CSMD1: variants seen among roughly 807,000 people sequenced by gnomAD.
CSMD1 encodes the protein CUB and sushi domain-containing protein 1.
CSMD1 carries 213 observed loss-of-function variants against 417.5 expected under a neutral mutation model. The ratio of observed to expected loss-of-function variants is 0.51; its 90% CI spans 0.46 to 0.57. The LOEUF (loss-of-function observed/expected upper bound fraction) is 0.57, where lower values mean the gene tolerates loss of function less well. Ranked by LOEUF, CSMD1 falls within the 20% of genes least tolerant of loss-of-function variation. The probability of loss-of-function intolerance (pLI) is 0.00; values close to 1 mark genes in which losing one functional copy is unlikely to be tolerated. For missense variants in CSMD1, 6,923 were observed against 4,529.7 expected (o/e 1.53, Z -15.17); for synonymous variants, 2,862 against 1,736.8 (o/e 1.65, Z -16.11).
intron 2 of CSMD1, among the ~76,000 whole-genome samples, chr8:4,461,068 A>C (rs1170876356): frequency 6.6e-6 from 1 of 150,662 alleles, no homozygotes; most frequent in African/African-American, 2.5e-5. Context: ...TACTGTGTCC[A>C]AGTGCTATTT....
At chr8:4,542,109 A>G (rs917434018) in intron 2 of CSMD1, among the ~76,000 whole-genome samples, 5 of 152,122 alleles carry the variant, frequency 3.3e-5, no homozygotes, top group Non-Finnish European at 5.9e-5. Context: ...TCATTTCTGG[A>G]CAATGAACTC....
intron 10 of CSMD1, among the ~76,000 whole-genome samples, chr8:3,505,626 G>C (rs775688696): frequency 2.0e-5 from 3 of 152,156 alleles, no homozygotes; most frequent in Non-Finnish European, 4.4e-5. Flanking sequence ...GATTATATTT[G>C]AGGAAATACA....
chr8:4,204,832 A>T (rs757658156), intron 3 of CSMD1, among the ~76,000 whole-genome samples: 5 of 151,194 alleles, frequency 3.3e-5, no homozygotes, highest in Admixed American at 6.6e-5. Flanking sequence ...CTTTTATTTA[A>T]TTTTTTTTTA....
intron 1 of CSMD1, among the ~76,000 whole-genome samples, chr8:4,922,430 A>G (rs1806560293): frequency 1.3e-5 from 2 of 152,216 alleles, no homozygotes; most frequent in Non-Finnish European, 2.9e-5. Context: ...TAAAGGTCAA[A>G]TGATATTTAG....
At chr8:4,850,061 T>G (rs1801376801) in intron 1 of CSMD1, among the ~76,000 whole-genome samples, 1 of 152,216 alleles carries the variant, frequency 6.6e-6, no homozygotes, top group Non-Finnish European at 1.5e-5. Flanking sequence ...CTTTTTTTAT[T>G]CTTGCCATCC....
chr8:3,281,454 A>AG (rs1802731922), intron 26 of CSMD1, among the ~76,000 whole-genome samples: 1 of 152,144 alleles, frequency 6.6e-6, no homozygotes, highest in Non-Finnish European at 1.5e-5. Flanking sequence ...AAGGAAAAAA[A>AG]CGGGTAAATA....
intron 5 of CSMD1, among the ~76,000 whole-genome samples, chr8:3,994,909 T>A (rs1030882306): frequency 7.9e-5 from 12 of 152,116 alleles, no homozygotes; most frequent in African/African-American, 2.9e-4. Flanking sequence ...AAAAATAGAT[T>A]ATTGGAAGAT....
intron 4 of CSMD1, among the ~76,000 whole-genome samples, chr8:4,017,342 G>C (rs1331968757): frequency 1.3e-5 from 2 of 152,088 alleles, no homozygotes; most frequent in Admixed American, 6.5e-5. Context: ...TTTCGCTCTT[G>C]TTGCCCAGGC....
At chr8:3,949,979 C>CT in intron 5 of CSMD1, 1 of 455,902 alleles carries the variant, frequency 2.2e-6, no homozygotes, top group South Asian at 1.5e-5. Flanking sequence ...TGTCTCCAGG[C>CT]TTGCATGAAA....
intron 2 of CSMD1, among the ~76,000 whole-genome samples, chr8:4,634,304 A>C (rs1292141359): frequency 6.6e-6 from 1 of 152,208 alleles, no homozygotes; most frequent in Non-Finnish European, 1.5e-5. Context: ...TCCAGTTACA[A>C]GGTAAGCATC....
At chr8:3,357,714 T>C (rs181737193) in intron 21 of CSMD1, among the ~76,000 whole-genome samples, 96 of 152,164 alleles carry the variant, frequency 6.3e-4, no homozygotes, top group African/African-American at 2.3e-3. Flanking sequence ...CAGTCAGGAG[T>C]CTTTAGACTC....
At chr8:4,735,929 C>G (rs1468155290) in intron 1 of CSMD1, among the ~76,000 whole-genome samples, 1 of 152,108 alleles carries the variant, frequency 6.6e-6, no homozygotes, top group African/African-American at 2.4e-5. Context: ...AATAAGTAGC[C>G]ACCGGTTGCA....
chr8:4,926,370 T>A (rs73510048), intron 1 of CSMD1, among the ~76,000 whole-genome samples: 2,385 of 152,318 alleles, frequency 0.016, 54 homozygotes, highest in African/African-American at 0.055. Flanking sequence ...GAACTCTTTA[T>A]CTTTACGATA....
At chr8:3,041,665 T>C (rs972334552) in intron 50 of CSMD1, among the ~76,000 whole-genome samples, 1 of 152,238 alleles carries the variant, frequency 6.6e-6, no homozygotes. Flanking sequence ...TGTGCTAATA[T>C]TCCCATCTTT....
At chr8:4,035,736 TAAA>T (rs1161361617) in intron 3 of CSMD1, among the ~76,000 whole-genome samples, 2 of 152,220 alleles carry the variant, frequency 1.3e-5, no homozygotes, top group Non-Finnish European at 2.9e-5. Flanking sequence ...GTCAAATGCT[TAAA>T]AATGAAAAAG....
chr8:4,972,034 G>T (rs1301242115), intron 1 of CSMD1, among the ~76,000 whole-genome samples: 1 of 152,022 alleles, frequency 6.6e-6, no homozygotes, highest in African/African-American at 2.4e-5. Context: ...TCTTAAAGAA[G>T]TTTAGGGAAA....
chr8:3,280,381 A>G (rs542628069), intron 26 of CSMD1, among the ~76,000 whole-genome samples: 2 of 152,240 alleles, frequency 1.3e-5, no homozygotes, highest in African/African-American at 4.8e-5. Context: ...ATAGAAACTC[A>G]CATTTCCAGA....
chr8:3,256,053 T>C (rs111525519), intron 26 of CSMD1, among the ~76,000 whole-genome samples: 2,149 of 152,108 alleles, frequency 0.014, 66 homozygotes, highest in African/African-American at 0.049. Context: ...CTGAGCCGGG[T>C]GAGGTGGCTC....
chr8:3,771,453 T>A (rs1411705317), intron 5 of CSMD1, among the ~76,000 whole-genome samples: 4 of 152,172 alleles, frequency 2.6e-5, no homozygotes, highest in Admixed American at 6.5e-5. Context: ...TCTCAGTTGC[T>A]GGTGGGGGGG....
Sources: allele counts gnomAD v4.1 joint callset (sites outside exome capture counted in the v4.1 genomes callset), GRCh38; gene constraint gnomAD v4.1.1; transcripts MANE v1.5; gene names NCBI Gene and HGNC (gene_info 2026-07-23, HGNC 2026-07-21).